The following WASF2 variants were observed in gnomAD, a reference collection of about 807,000 sequenced individuals.
The protein encoded by WASF2 is actin-binding protein WASF2.
A neutral mutation model predicts 45.0 loss-of-function variants in WASF2; 14 were observed. The observed-to-expected ratio is 0.31, with a 90% confidence interval of 0.21 to 0.49. WASF2 has a LOEUF of 0.49. WASF2 is among the 20% of genes least tolerant of loss of function. WASF2 has a pLI of 0.99. For synonymous variants in WASF2, 200 were observed against 236.3 expected (o/e 0.85, Z 1.41); for missense variants, 439 against 636.1 (o/e 0.69, Z 3.33).
chr1:27,409,026 C>T (rs989337531), intron 8 of WASF2, among the ~76,000 whole-genome samples: 8 of 151,344 alleles, frequency 5.3e-5, no homozygotes, highest in Non-Finnish European at 8.8e-5. Context: ...CAAAACCCTT[C>T]GGAGAAACTG....
intron 2 of WASF2, among the ~76,000 whole-genome samples, chr1:27,423,514 T>C (rs925831937): frequency 6.6e-6 from 1 of 152,144 alleles, no homozygotes; most frequent in African/African-American, 2.4e-5. Context: ...TAGAGGAAAA[T>C]TTTAAATATA....
At position 27,453,534 on chromosome 1, in the gene WASF2, G is replaced by C. The variant is rs1335418097; in HGVS notation, c.-43-24601C>G. Among the ~76,000 whole-genome samples, 4 of 149,656 alleles carry C rather than the reference G, an allele frequency of 2.7e-5. No individual in the cohort carries two copies. The East Asian group carries it at 7.9e-4, about 30-fold the overall frequency. Reference sequence around the variant, plus strand: ...TTGAACCCAGGAGGCAGAGGTTGCCGTGAGTGGAGATCACTCCACTGCACT... The same window carrying C: ...TTGAACCCAGGAGGCAGAGGTTGCCCTGAGTGGAGATCACTCCACTGCACT... On this transcript the variant is annotated intron_variant, in intron 1 of 8. Coordinates refer to ENST00000618852, the MANE Select transcript of WASF2 (RefSeq NM_006990.5).
Position 27,405,925 on chromosome 1 carries a change from C to G in WASF2, c.*2264G>C, listed in dbSNP as rs2016667565. On this transcript the variant is annotated 3_prime_UTR_variant, in exon 9 of 9. Coordinates refer to ENST00000618852, the MANE Select transcript of WASF2 (RefSeq NM_006990.5). Reference sequence around the variant, plus strand: ...CCTCCCCACCTCCTCCTGCCCCCAGCCCTTTCCACGATGGACTCAGTCCAT... The same window carrying G: ...CCTCCCCACCTCCTCCTGCCCCCAGGCCTTTCCACGATGGACTCAGTCCAT... 1 of 152,442 alleles carries G rather than the reference C, an allele frequency of 6.6e-6. No homozygotes were observed. The highest frequency in any genetic ancestry group is 2.4e-5 in the African/African-American group (1 of 41,414). 9.4% of individuals were successfully genotyped at this position (152,442 alleles called of 1,614,324 possible).
At chr1:27,466,648 G>A (rs928163930) in intron 1 of WASF2, among the ~76,000 whole-genome samples, 2 of 152,092 alleles carry the variant, frequency 1.3e-5, no homozygotes, top group African/African-American at 4.8e-5. Flanking sequence ...TGAGAGGATG[G>A]CTTGAGGCCA....
rs2016865221 is a variant in WASF2 at position 27,419,028 on chromosome 1, C to T, written c.191G>A (p.Arg64Gln). 4 of 1,614,022 alleles carry T rather than the reference C, an allele frequency of 2.5e-6. No homozygotes were observed. The highest frequency in any genetic ancestry group is 1.7e-5 in the Admixed American group (1 of 60,010). The change falls in exon 3 of 9, where the codon CGG (arginine) becomes CAG (glutamine). Residue 64 changes from arginine to glutamine, a missense_variant. Around this residue, in one of 5 missense-constraint regions of WASF2, gnomAD observed 98 missense variants for 120.7 expected, o/e 0.81. Transcript: ENST00000618852. ...LFTQANTFAS[R>Q]VSSLAERVDR... The stretch of plus-strand genomic sequence containing the variant: ...GACCCTCTCAGCAAGGGAGCTTACC[C>T]GAGAGGCAAAGGTATTTGCCTGAGT...
intron 1 of WASF2, among the ~76,000 whole-genome samples, chr1:27,434,610 T>C (rs1020023812): frequency 2.0e-5 from 3 of 152,158 alleles, no homozygotes; most frequent in Admixed American, 6.5e-5. Context: ...GACAGAGCCC[T>C]GAGGTTATTT....
chr1:27,487,102 T>G (rs1260086456), intron 1 of WASF2, among the ~76,000 whole-genome samples: 1 of 147,018 alleles, frequency 6.8e-6, no homozygotes, highest in Admixed American at 6.9e-5. Flanking sequence ...ATAATCTATA[T>G]AGAGAGATTT....
chr1:27,488,747 T>A (rs1192778442), intron 1 of WASF2, among the ~76,000 whole-genome samples: 3 of 152,136 alleles, frequency 2.0e-5, no homozygotes, highest in African/African-American at 7.2e-5. Context: ...TCTGCCCCCA[T>A]TTGTAACAAG....
intron 6 of WASF2, among the ~76,000 whole-genome samples, chr1:27,413,372 A>G (rs1376978381): frequency 1.3e-5 from 2 of 152,158 alleles, no homozygotes; most frequent in African/African-American, 2.4e-5. Flanking sequence ...TTCTGGGTGA[A>G]CAACAACAAA....
rs1217044377 is a variant in WASF2, at chr1:27,410,106, G to A, written c.925C>T (p.Pro309Ser). 2 of 1,613,558 alleles carry A rather than the reference G, an allele frequency of 1.2e-6. No homozygotes were observed. Among genetic ancestry groups the A allele is most frequent in the African/African-American group, 1.3e-5 (1 of 74,906 alleles). ...GCAAACCCGGGTTTAGGGCCTGGTG[G>A]AGAGCCTAGAGGAGGAGCTGGTGGT... is the stretch of plus-strand genomic sequence containing the variant. The part of the protein sequence containing the change: ...HPPPAPPLGS[P>S]PGPKPGFAPP... The change falls in exon 8 of 9, where the codon CCA becomes TCA. Residue 309 changes from proline (P) to serine (S), a missense_variant. By Grantham distance (74) the Pro-to-Ser change is moderately conservative. This residue lies in a region of WASF2 where 286 missense variants were observed against 373.5 expected (regional missense o/e 0.77). Transcript: ENST00000618852. This position sits in a 1 kb window ranked among gnomAD's most constrained non-coding sequence, Gnocchi z 4.2.
In WASF2 at chr1:27,418,936, T is replaced by C. The variant is rs2016863482; in HGVS notation, c.265+18A>G. ...ACTGCTCAGCAGAGCCTGCAAATGC[T>C]GAGCTCAGCTTTCTTACCTTCTTCT... On this transcript the variant is annotated intron_variant, in intron 3 of 8. Transcript: ENST00000618852. 6.2e-7 allele frequency: 1 copy of C among 1,610,068 alleles called. No individual in the cohort carries two copies. Among genetic ancestry groups the C allele is most frequent in the Non-Finnish European group, 8.5e-7 (1 of 1,177,688 alleles).
intron 1 of WASF2, among the ~76,000 whole-genome samples, chr1:27,450,779 G>C (rs2017374259): frequency 6.6e-6 from 1 of 151,948 alleles, no homozygotes; most frequent in South Asian, 2.1e-4. Flanking sequence ...GATTACAGGT[G>C]TGAGCCATCG....
At chr1:27,454,187 A>ATTTTTT (rs869057863) in intron 1 of WASF2, among the ~76,000 whole-genome samples, 1 of 12,776 alleles carries the variant, frequency 7.8e-5, no homozygotes, top group African/African-American at 2.1e-4. Context: ...ATATATATAT[A>ATTTTTT]TTTTTTTTTT....
intron 6 of WASF2, among the ~76,000 whole-genome samples, chr1:27,413,802 G>A (rs2016794994): frequency 6.6e-6 from 1 of 152,208 alleles, no homozygotes; most frequent in Admixed American, 6.5e-5. Context: ...GAACAGGATT[G>A]GTCCGTGGAA....
intron 1 of WASF2, among the ~76,000 whole-genome samples, chr1:27,461,082 C>A (rs2017537867): frequency 6.6e-6 from 1 of 152,012 alleles, no homozygotes; most frequent in Non-Finnish European, 1.5e-5. Context: ...GGAGGCGGAG[C>A]TTGCAGGGAG....
rs530004358 is a variant in WASF2, at chr1:27,479,518, A to G, written c.-44+10468T>C. 1.5e-3 allele frequency among the ~76,000 whole-genome samples: 227 copies of G among 152,364 alleles called. 1 individual carries two copies. Among genetic ancestry groups the G allele is most frequent in the African/African-American group, 5.0e-3 (208 of 41,576 alleles). On this transcript the variant is annotated intron_variant, in intron 1 of 8. Transcript: ENST00000618852. ...TTTCAAATGTTCCATTATTTAGTTG[A>G]ATAATTTTGAGGAAGTTAATCTCTC...
At chr1:27,487,676 TTA>T (rs1401596643) in intron 1 of WASF2, among the ~76,000 whole-genome samples, 5 of 107,562 alleles carry the variant, frequency 4.6e-5, no homozygotes, top group Admixed American at 1.4e-4. Context: ...TATATATATT[TTA>T]TATAATATAT....
intron 1 of WASF2, 146 bp from the exon 2 acceptor site, chr1:27,429,079 TTC>T: frequency 1.3e-6 from 1 of 745,766 alleles, no homozygotes; most frequent in Non-Finnish European, 2.1e-6. Context: ...ATCTTTTTTT[TTC>T]TTTCATTTTT....
intron 1 of WASF2, among the ~76,000 whole-genome samples, chr1:27,452,229 C>A (rs762901708): frequency 3.9e-5 from 6 of 152,204 alleles, no homozygotes; most frequent in Non-Finnish European, 1.5e-5. Context: ...ATAGGCCAGA[C>A]GCAGGCTGCG....
Sources: gnomAD v4.1 joint callset for allele counts (sites outside exome capture counted in the v4.1 genomes callset) on GRCh38, gnomAD v4.1.1 for gene constraint, gnomAD v4.1.1 regional missense constraint, Gnocchi (gnomAD v3.1) non-coding constraint, MANE v1.5 for transcripts, NCBI Gene and HGNC (gene_info 2026-07-23, HGNC 2026-07-21) for gene names.